Variants in ZFHX2 observed in about 807,000 individuals in gnomAD.
The protein encoded by ZFHX2 is zinc finger homeobox protein 2.
A neutral mutation model predicts 164.8 loss-of-function variants in ZFHX2; 75 were observed. The observed-to-expected ratio is 0.46, with a 90% CI of 0.38 to 0.55. The LOEUF (loss-of-function observed/expected upper bound fraction) is 0.55. Ranked by LOEUF, ZFHX2 falls within the 20% of genes least tolerant of loss-of-function variation. The pLI is 0.00. For missense variants in ZFHX2, 2,933 were observed against 3,308.0 expected, an observed-to-expected ratio of 0.89 and a Z score of 2.78; for synonymous variants, 1,217 against 1,351.4, an observed-to-expected ratio of 0.90 and a Z score of 2.18.
Position 23,522,858 on chromosome 14 carries a change from G to A in ZFHX2, c.6823C>T (p.Arg2275Cys), listed in dbSNP as rs1048403553. ...TTVVQTAGPGRPLPQRPMPDQ... is the reference protein window; with the variant it reads ...TTVVQTAGPGCPLPQRPMPDQ... ...GGCATGGGTCTCTGAGGTAAGGGGCGGCCTGGGCCAGCAGTCTGGACCACT... is the reference window on the plus strand; with the variant it reads ...GGCATGGGTCTCTGAGGTAAGGGGCAGCCTGGGCCAGCAGTCTGGACCACT... Residue 2275 changes from arginine (R) to cysteine (C), a missense_variant, in exon 10 of 10, where the codon CGC (arginine) becomes TGC (cysteine). Transcript: ENST00000419474. 31 of 1,525,156 alleles carry A rather than the reference G, an allele frequency of 2.0e-5. No homozygotes were observed. The highest frequency in any genetic ancestry group is 2.4e-5 in the East Asian group (1 of 40,836). The allele number at this position is 1,525,156 out of a possible 1,614,324, so 94.5% of individuals were successfully genotyped here. A position where few individuals can be genotyped will look rare whatever the true frequency, so the allele number is the denominator to read the frequency against.
rs1469863740 is a variant in ZFHX2 at position 23,524,489 on chromosome 14, A to AG, written c.5452dup (p.Leu1818ProfsTer18). On this transcript the variant is annotated frameshift_variant, in exon 9 of 10. Coordinates refer to ENST00000419474, the MANE Select transcript of ZFHX2 (RefSeq NM_033400.3). LOFTEE classifies it high-confidence loss of function. The surrounding 1 kb of genome is among the most constrained non-coding windows in gnomAD (Gnocchi z 5.6). Reference sequence around the variant, plus strand: ...TGGCATTGGTGAGGTGGCTGCCACCAGGGGGTTTCTCTCCCCAAACACCAG... The same window carrying AG: ...TGGCATTGGTGAGGTGGCTGCCACCAGGGGGGTTTCTCTCCCCAAACACCAG... The AG allele has an allele frequency of 6.5e-7, 1 of 1,529,948 alleles. No individual in the cohort carries two copies. The highest frequency in any genetic ancestry group is 8.7e-7 in the Non-Finnish European group (1 of 1,143,496). The allele number at this position is 1,529,948 out of a possible 1,614,324, so 94.8% of individuals were successfully genotyped here.
intron 6 of ZFHX2, among the ~76,000 whole-genome samples, chr14:23,528,238 A>T (rs1879040612): frequency 6.6e-6 from 1 of 152,216 alleles, no homozygotes; most frequent in African/African-American, 2.4e-5. Flanking sequence ...GGAACTAGCC[A>T]GATAGGAAGG....
At chr14:23,548,115 ACACTTT>A (rs1191603362) in intron 1 of ZFHX2, among the ~76,000 whole-genome samples, 1 of 152,126 alleles carries the variant, frequency 6.6e-6, no homozygotes, top group Non-Finnish European at 1.5e-5. Context: ...CAAAGCCATT[ACACTTT>A]CAACAACTCT....
In ZFHX2 at chr14:23,524,957, G is replaced by A; in HGVS notation, c.4985C>T (p.Thr1662Ile). The change falls in exon 9 of 10, where the codon ACC becomes ATC. Residue 1662 changes from threonine (T) to isoleucine (I), a missense_variant. Coordinates refer to ENST00000419474, the MANE Select transcript of ZFHX2 (RefSeq NM_033400.3). The surrounding 1 kb of genome is among the most constrained non-coding windows in gnomAD (Gnocchi z 5.6). ...KNACEGGSMP[T>I]GGGTGGASGC... The stretch of plus-strand genomic sequence containing the variant: ...GGAGGCTCCCCCAGTGCCTCCTCCG[G>A]TTGGCATGGACCCACCCTCACAGGC... The A allele has an allele frequency of 6.5e-7, 1 of 1,536,272 alleles. No individual in the cohort carries two copies. The highest frequency in any genetic ancestry group is 1.2e-5 in the South Asian group (1 of 84,068).
intron 1 of ZFHX2, among the ~76,000 whole-genome samples, chr14:23,541,174 G>A (rs1183832812): frequency 2.0e-5 from 3 of 151,990 alleles, no homozygotes; most frequent in African/African-American, 7.3e-5. Flanking sequence ...CCCAAGTGCT[G>A]GGATTACAGG....
In ZFHX2 at chr14:23,524,857, G is replaced by A. The variant is rs748951205; in HGVS notation, c.5085C>T (p.Asp1695=). The A allele has an allele frequency of 6.5e-7, 1 of 1,536,594 alleles. No homozygotes were observed. The highest frequency in any genetic ancestry group is 2.0e-5 in the Admixed American group (1 of 50,992). The change falls in exon 9 of 10, where the codon GAC becomes GAT. Residue 1695 remains aspartate (D), a synonymous_variant. Transcript: ENST00000419474. The surrounding 1 kb of genome is among the most constrained non-coding windows in gnomAD (Gnocchi z 5.6). ...LVRHLKKCYD[D]QTLEEEEEEA... is the part of the protein sequence containing the mutation. ...CTTCCTCCTCCTCTTCAAGGGTCTG[G>A]TCATCATAGCACTTCTTGAGGTGGC...
chr14:23,529,261 C>G, intron 6 of ZFHX2: 4 of 166,984 alleles, frequency 2.4e-5, no homozygotes, highest in Admixed American at 1.2e-4. Flanking sequence ...GTTGGTGCCC[C>G]TACCCTTAGT....
Position 23,523,511 on chromosome 14 carries a change from T to G in ZFHX2, c.6431A>C (p.Gln2144Pro). 1 of 1,536,406 alleles carries G rather than the reference T, an allele frequency of 6.5e-7. No individual in the cohort carries two copies. The highest frequency in any genetic ancestry group is 8.7e-7 in the Non-Finnish European group (1 of 1,146,922). The change falls in exon 9 of 10, where the codon CAG becomes CCG. Residue 2144 changes from glutamine (Q) to proline (P), a missense_variant. By Grantham distance (76) the Gln-to-Pro change is moderately conservative (BLOSUM62 -1). Coordinates refer to ENST00000419474, the MANE Select transcript of ZFHX2 (RefSeq NM_033400.3). This position sits in a 1 kb window ranked among gnomAD's most constrained non-coding sequence, Gnocchi z 4.1. ...ATCACAATAGGGGCAGTCAGTGCGC[T>G]GGGCTGCTAAGAGGCCCTCACTGCT... ...GGSSEGLLAA[Q>P]RTDCPYCDVK...
rs371641089 is a variant in ZFHX2 at position 23,526,439 on chromosome 14, C to A, written c.3503G>T (p.Arg1168Leu). The change falls in exon 9 of 10, where the codon CGC (arginine) becomes CTC (leucine). Residue 1168 changes from arginine (R) to leucine (L), a missense_variant. Arg to Leu is a moderately radical substitution (Grantham distance 102, BLOSUM62 -2). Coordinates refer to ENST00000419474, the MANE Select transcript of ZFHX2 (RefSeq NM_033400.3). ...GGTTTTCCGATAGGTCAGAGGGTGGCGAGAGTCAGCTGGAGCTGGCTCTGC... is the reference window on the plus strand; with the variant it reads ...GGTTTTCCGATAGGTCAGAGGGTGGAGAGAGTCAGCTGGAGCTGGCTCTGC... Reference protein sequence around the residue: ...RSAEPAPADSRHPLTYRKTTN... With the variant: ...RSAEPAPADSLHPLTYRKTTN... 6.5e-7 allele frequency: 1 copy of A among 1,536,176 alleles called. No individual in the cohort carries two copies. Among genetic ancestry groups the A allele is most frequent in the South Asian group, 1.2e-5 (1 of 84,054 alleles).
In ZFHX2 at chr14:23,534,517, C is replaced by T. The variant is rs1439178240; in HGVS notation, c.809G>A (p.Gly270Asp). 6.5e-7 allele frequency: 1 copy of T among 1,536,146 alleles called. No homozygotes were observed. The change falls in exon 2 of 10, where the codon GGC becomes GAC. Residue 270 changes from glycine (G) to aspartate (D), a missense_variant. By Grantham distance (94) the Gly-to-Asp change is moderately conservative. Coordinates refer to ENST00000419474, the MANE Select transcript of ZFHX2 (RefSeq NM_033400.3). The surrounding 1 kb of genome is among the most constrained non-coding windows in gnomAD (Gnocchi z 4.5). ...GVKLTPAQYQ[G>D]LSGSPAVLQE... The stretch of plus-strand genomic sequence containing the variant: ...GAGTACAGCTGGGCTACCTGACAGG[C>T]CCTGATATTGGGCAGGGGTTAGCTT...
At chr14:23,554,729 A>T (rs946919384), upstream of ZFHX2, among the ~76,000 whole-genome samples, 17 of 151,486 alleles carry the variant, frequency 1.1e-4, 1 homozygote, top group African/African-American at 4.1e-4. Flanking sequence ...TCCCTATAAT[A>T]CCTCTCACTG....
intron 1 of ZFHX2, among the ~76,000 whole-genome samples, chr14:23,545,371 C>T (rs1172043112): frequency 1.3e-5 from 2 of 152,200 alleles, no homozygotes; most frequent in Non-Finnish European, 2.9e-5. Flanking sequence ...CATTTCCCTG[C>T]GGAGGGGTCA....
chr14:23,534,574 G>A lies in ZFHX2; in HGVS notation c.752C>T (p.Ala251Val). The A allele has an allele frequency of 6.5e-7, 1 of 1,536,126 alleles. No homozygotes were observed. The highest frequency in any genetic ancestry group is 8.7e-7 in the Non-Finnish European group (1 of 1,146,894). Residue 251 changes from alanine to valine, a missense_variant, in exon 2 of 10, where the codon GCC (alanine) becomes GTC (valine). Transcript: ENST00000419474. This position sits in a 1 kb window ranked among gnomAD's most constrained non-coding sequence, Gnocchi z 4.5. ...LCRLGFSKPQ[A>V]FMDHTQSHGV... ...ATGAGACTGTGTGTGATCCATAAAGGCCTGGGGCTTGCTGAAACCCAGGCG... is the reference window on the plus strand; with the variant it reads ...ATGAGACTGTGTGTGATCCATAAAGACCTGGGGCTTGCTGAAACCCAGGCG...
chr14:23,536,084 A>T (rs1246486241), intron 1 of ZFHX2, among the ~76,000 whole-genome samples: 2 of 152,086 alleles, frequency 1.3e-5, no homozygotes, highest in African/African-American at 4.8e-5. Context: ...CACTAACACC[A>T]TCCTGGGGCC....
chr14:23,537,952 C>T lies in ZFHX2; in HGVS notation c.-49-2578G>A, dbSNP rs139265546. 477 of 152,836 alleles carry T rather than the reference C, an allele frequency of 3.1e-3. 9 individuals are homozygous for T. In the South Asian group the frequency reaches 0.037, roughly 12 times the overall value. 9.5% of individuals were successfully genotyped at this position (152,836 alleles called of 1,614,324 possible). ...ACACAGGTGCGTGCTCTCTCCCAGCCGGCCCAAGTGCTACAGCTCACCCTC... is the reference window on the plus strand; with the variant it reads ...ACACAGGTGCGTGCTCTCTCCCAGCTGGCCCAAGTGCTACAGCTCACCCTC... On this transcript the variant is annotated intron_variant, in intron 1 of 9. Coordinates refer to ENST00000419474, the MANE Select transcript of ZFHX2 (RefSeq NM_033400.3).
At position 23,526,653 on chromosome 14, in the gene ZFHX2, T is replaced by C. The variant is rs1482507596; in HGVS notation, c.3289A>G (p.Ser1097Gly). 1 of 1,535,944 alleles carries C rather than the reference T, an allele frequency of 6.5e-7. No homozygotes were observed. The highest frequency in any genetic ancestry group is 8.7e-7 in the Non-Finnish European group (1 of 1,146,880). ...GGAGGCTCAGGAAGAGGATCTGGAC[T>C]GGCTTCTGGGGTCAGGTTAGGGCCT... is the stretch of plus-strand genomic sequence containing the variant. ...AEGPNLTPEA[S>G]PDPLPEPPLA... The change falls in exon 9 of 10, where the codon AGT becomes GGT. Residue 1097 changes from serine (S) to glycine (G), a missense_variant. By Grantham distance (56) the Ser-to-Gly change is moderately conservative (BLOSUM62 0). Transcript: ENST00000419474.
In ZFHX2 at chr14:23,523,287, T is replaced by C. The variant is rs376970804; in HGVS notation, c.6655A>G (p.Thr2219Ala). The change falls in exon 9 of 10, where the codon ACC becomes GCC. Residue 2219 changes from threonine (T) to alanine (A), a missense_variant. By Grantham distance (58) the Thr-to-Ala change is moderately conservative. Coordinates refer to ENST00000419474, the MANE Select transcript of ZFHX2 (RefSeq NM_033400.3). This position sits in a 1 kb window ranked among gnomAD's most constrained non-coding sequence, Gnocchi z 4.1. Reference sequence around the variant, plus strand: ...AGGACCGGCGCCAGGCGAGGCAAGGTTGGGGCAGCCCCGAGGGGCATGGAG... The same window carrying C: ...AGGACCGGCGCCAGGCGAGGCAAGGCTGGGGCAGCCCCGAGGGGCATGGAG... ...PASMPLGAAPTLPRLAPVLLS... is the reference protein window; with the variant it reads ...PASMPLGAAPALPRLAPVLLS... 7.0e-7 allele frequency: 1 copy of C among 1,438,444 alleles called. No individual in the cohort carries two copies. The highest frequency in any genetic ancestry group is 9.1e-7 in the Non-Finnish European group (1 of 1,100,660). 89.1% of individuals were successfully genotyped at this position (1,438,444 alleles called of 1,614,324 possible). A position where few individuals can be genotyped will look rare whatever the true frequency, so the allele number is the denominator to read the frequency against.
chr14:23,545,267 T>C (rs147315476), intron 1 of ZFHX2, among the ~76,000 whole-genome samples: 101 of 152,320 alleles, frequency 6.6e-4, no homozygotes, highest in Non-Finnish European at 1.2e-3. Flanking sequence ...CCAGCACTGC[T>C]TGAACTCAGG....
intron 1 of ZFHX2, chr14:23,543,515 A>C (rs1168203133): frequency 6.6e-6 from 1 of 152,316 alleles, no homozygotes; most frequent in East Asian, 1.9e-4. Flanking sequence ...AAGGTGCTAG[A>C]TGGCTGTCTT....
Sources: gnomAD v4.1 joint callset for allele counts (sites outside exome capture counted in the v4.1 genomes callset) on GRCh38, gnomAD v4.1.1 for gene constraint, Gnocchi (gnomAD v3.1) non-coding constraint, MANE v1.5 for transcripts, NCBI Gene and HGNC (gene_info 2026-07-23, HGNC 2026-07-21) for gene names.